Variants in SCHIP1 observed in about 807,000 individuals in gnomAD.
SCHIP1 encodes the protein schwannomin interacting protein 1, also known as schwannomin-interacting protein 1.
In SCHIP1, 8 loss-of-function variants were observed where a neutral mutation model predicts 29.7. The ratio of observed to expected loss-of-function variants is 0.27; its 90% CI spans 0.16 to 0.49. The LOEUF is 0.49. Among genes scored for constraint, SCHIP1 ranks in the 20% least tolerant of loss-of-function variants. The pLI is 0.99. For synonymous variants in SCHIP1, 76 were observed against 94.9 expected (o/e 0.80, Z 1.16); for missense variants, 193 against 294.6 (o/e 0.66, Z 2.52).
the SCHIP1 span, among the ~76,000 whole-genome samples, chr3:159,655,812 C>T: frequency 6.6e-6 from 1 of 152,144 alleles, no homozygotes; most frequent in Non-Finnish European, 1.5e-5. Context: ...TCCCTTGAAC[C>T]CAGGAGGCGG....
the SCHIP1 span, among the ~76,000 whole-genome samples, chr3:159,740,736 A>C: frequency 6.7e-6 from 1 of 148,488 alleles, no homozygotes; most frequent in East Asian, 2.0e-4. Flanking sequence ...TAGCCAAAAA[A>C]GGAAGGAAAC....
At chr3:159,548,102 T>C in the SCHIP1 span, among the ~76,000 whole-genome samples, 5 of 152,200 alleles carry the variant, frequency 3.3e-5, no homozygotes, top group South Asian at 8.3e-4. Flanking sequence ...GATTTTTAGA[T>C]TTATGTTTAT....
intron 6 of SCHIP1, among the ~76,000 whole-genome samples, chr3:159,896,226 A>G (rs890427671): frequency 2.0e-5 from 3 of 152,226 alleles, no homozygotes; most frequent in African/African-American, 7.2e-5. Context: ...GTCTTTAGAT[A>G]AAGTAGTCAC....
At chr3:159,543,284 G>T in the SCHIP1 span, among the ~76,000 whole-genome samples, 1 of 150,072 alleles carries the variant, frequency 6.7e-6, no homozygotes, top group African/African-American at 2.5e-5. Flanking sequence ...ATGTATACAT[G>T]TGCCATGCTG....
chr3:159,806,210 CA>C, the SCHIP1 span, among the ~76,000 whole-genome samples: 37,942 of 152,136 alleles, frequency 0.25, 5,097 homozygotes, highest in East Asian at 0.53. Context: ...CACATCTAAG[CA>C]GCTGCTTTTG....
At chr3:159,317,950 A>T in the SCHIP1 span, among the ~76,000 whole-genome samples, 1 of 152,172 alleles carries the variant, frequency 6.6e-6, no homozygotes, top group African/African-American at 2.4e-5. Context: ...CTGGCTGGTC[A>T]TCCCCAGGAA....
At chr3:159,368,850 C>T in the SCHIP1 span, among the ~76,000 whole-genome samples, 3 of 152,156 alleles carry the variant, frequency 2.0e-5, no homozygotes, top group Non-Finnish European at 4.4e-5. Context: ...CGTGTCTTGA[C>T]ACAAACTACT....
the SCHIP1 span, among the ~76,000 whole-genome samples, chr3:159,567,755 C>G: frequency 6.6e-6 from 1 of 152,072 alleles, no homozygotes; most frequent in Non-Finnish European, 1.5e-5. Flanking sequence ...TGGATGATTT[C>G]TGCCACCCTG....
At chr3:159,573,138 A>C in the SCHIP1 span, among the ~76,000 whole-genome samples, 3 of 152,136 alleles carry the variant, frequency 2.0e-5, no homozygotes, top group African/African-American at 7.2e-5. Flanking sequence ...TTATATGTGA[A>C]TTTGATCCTG....
chr3:159,673,426 G>C, the SCHIP1 span, among the ~76,000 whole-genome samples: 1 of 152,212 alleles, frequency 6.6e-6, no homozygotes, highest in Non-Finnish European at 1.5e-5. Flanking sequence ...TCAGTATGCA[G>C]ATACCATTGC....
chr3:159,314,716 A>G, the SCHIP1 span, among the ~76,000 whole-genome samples: 10 of 152,208 alleles, frequency 6.6e-5, no homozygotes, highest in African/African-American at 9.6e-5. Context: ...TGTCATTCCA[A>G]TCAACCATGG....
the SCHIP1 span, among the ~76,000 whole-genome samples, chr3:159,451,048 T>C: frequency 6.6e-6 from 1 of 152,152 alleles, no homozygotes; most frequent in African/African-American, 2.4e-5. Context: ...GACCTCGTGA[T>C]CCGCCTGCCT....
chr3:159,384,466 A>T, the SCHIP1 span, among the ~76,000 whole-genome samples: 1 of 142,508 alleles, frequency 7.0e-6, no homozygotes, highest in Non-Finnish European at 1.5e-5. Context: ...AGCCCACTTG[A>T]TCATGGTGGA....
At chr3:159,326,793 G>A in the SCHIP1 span, among the ~76,000 whole-genome samples, 1 of 152,046 alleles carries the variant, frequency 6.6e-6, no homozygotes, top group African/African-American at 2.4e-5. Context: ...ATTTGCACTG[G>A]GTACTTTTAC....
chr3:159,672,668 C>CA, the SCHIP1 span, among the ~76,000 whole-genome samples: 1,442 of 152,280 alleles, frequency 9.5e-3, 22 homozygotes, highest in African/African-American at 0.032. Context: ...CCTCACCTCA[C>CA]AAAAACAACA....
At chr3:159,338,746 T>A in the SCHIP1 span, among the ~76,000 whole-genome samples, 8 of 152,176 alleles carry the variant, frequency 5.3e-5, no homozygotes, top group African/African-American at 1.7e-4. Flanking sequence ...ATACCTTTTA[T>A]GTGAACATTC....
At chr3:159,677,707 G>T in the SCHIP1 span, among the ~76,000 whole-genome samples, 1 of 152,154 alleles carries the variant, frequency 6.6e-6, no homozygotes, top group Non-Finnish European at 1.5e-5. Flanking sequence ...GAGATCTCTA[G>T]CTCTGGGGGG....
chr3:159,837,055 A>G (rs1290901413), upstream of SCHIP1, among the ~76,000 whole-genome samples: 1 of 151,304 alleles, frequency 6.6e-6, no homozygotes, highest in East Asian at 1.9e-4. Context: ...GCCACCTCTG[A>G]GTCATTTCCA....
chr3:159,791,193 T>TTTAACCTC, the SCHIP1 span, among the ~76,000 whole-genome samples: 1 of 152,060 alleles, frequency 6.6e-6, no homozygotes, highest in Non-Finnish European at 1.5e-5. Flanking sequence ...CAGTCTCACG[T>TTTAACCTC]TTAACCTCTC....
Sources: gnomAD v4.1 joint callset for allele counts (sites outside exome capture counted in the v4.1 genomes callset) on GRCh38, gnomAD v4.1.1 for gene constraint, MANE v1.5 for transcripts, NCBI Gene and HGNC (gene_info 2026-07-23, HGNC 2026-07-21) for gene names.